Variants in TBCK observed in about 807,000 individuals in gnomAD.
The protein encoded by TBCK is TBC domain-containing protein kinase-like protein.
Under a neutral mutation model 113.4 loss-of-function variants are expected in TBCK, and 99 were observed. The ratio of observed to expected loss-of-function variants is 0.87; its 90% confidence interval spans 0.74 to 1.03. The LOEUF is 1.03. Ranked by LOEUF, TBCK falls within the 50% of genes least tolerant of loss-of-function variation. The pLI is 0.00. For missense variants in TBCK, 1,045 were observed against 1,061.3 expected (o/e 0.98, Z 0.21); for synonymous variants, 369 against 370.8 (o/e 1.00, Z 0.05).
intron 23 of TBCK, among the ~76,000 whole-genome samples, chr4:106,135,002 T>C (rs539792894): frequency 4.6e-5 from 7 of 152,278 alleles, no homozygotes; most frequent in Admixed American, 3.3e-4. Context: ...GTTATTAAAA[T>C]TGGATCCCAA....
At chr4:106,300,955 T>A (rs925543642) in intron 2 of TBCK, among the ~76,000 whole-genome samples, 7 of 151,826 alleles carry the variant, frequency 4.6e-5, no homozygotes, top group African/African-American at 1.7e-4. Flanking sequence ...AATAAATAAA[T>A]AATAAATAAA....
chr4:106,312,645 G>A (rs145460265), intron 1 of TBCK, among the ~76,000 whole-genome samples: 3 of 152,152 alleles, frequency 2.0e-5, no homozygotes, highest in African/African-American at 4.8e-5. Context: ...AACACTGTAT[G>A]AGTATGTTCA....
At position 106,247,250 on chromosome 4, in the gene TBCK, T is replaced by C. The variant is rs760474795; in HGVS notation, c.820A>G (p.Ser274Gly). ...PDQLMKDKVFSEVSPLYTPFT... is the reference protein window; with the variant it reads ...PDQLMKDKVFGEVSPLYTPFT... ...GGGGTATATAAAGGTGATACCTCAC[T>C]GAATACTTTGTCCTTCATTAATTGA... Residue 274 changes from serine to glycine, a missense_variant, in exon 10 of 26, where the codon AGT becomes GGT. Ser to Gly is a moderately conservative substitution (Grantham distance 56). Transcript: ENST00000394708. 1 of 1,612,526 alleles carries C rather than the reference T, an allele frequency of 6.2e-7. No homozygotes were observed. The highest frequency in any genetic ancestry group is 8.5e-7 in the Non-Finnish European group (1 of 1,178,844).
chr4:106,168,416 C>T (rs1380326307), intron 23 of TBCK, among the ~76,000 whole-genome samples: 2 of 151,912 alleles, frequency 1.3e-5, no homozygotes, highest in African/African-American at 2.4e-5. Context: ...TAGAAGCCTT[C>T]CTGCTAAGAT....
intron 23 of TBCK, among the ~76,000 whole-genome samples, chr4:106,122,948 T>G (rs994817514): frequency 6.6e-6 from 1 of 152,182 alleles, no homozygotes. Context: ...TGGAAGCATT[T>G]CCTTTGAAAA....
At chr4:106,195,803 T>G (rs1196592436) in intron 20 of TBCK, among the ~76,000 whole-genome samples, 1 of 152,018 alleles carries the variant, frequency 6.6e-6, no homozygotes, top group African/African-American at 2.4e-5. Context: ...CTGGCTTTCC[T>G]GGGTATCCAG....
intron 3 of TBCK, among the ~76,000 whole-genome samples, chr4:106,280,768 T>C (rs1385963809): frequency 3.9e-5 from 6 of 152,132 alleles, no homozygotes; most frequent in African/African-American, 1.4e-4. Flanking sequence ...CTGGTTTCTA[T>C]ATTGTGTTCC....
intron 10 of TBCK, 57 bp downstream of exon 10, chr4:106,247,082 G>C: frequency 1.3e-6 from 2 of 1,542,918 alleles, no homozygotes; most frequent in East Asian, 2.3e-5. Context: ...AGTAGGACAA[G>C]GAAACTTCTT....
At chr4:106,304,238 A>G (rs1314915375) in intron 2 of TBCK, among the ~76,000 whole-genome samples, 2 of 152,148 alleles carry the variant, frequency 1.3e-5, no homozygotes, top group African/African-American at 2.4e-5. Context: ...GAACCTCTTC[A>G]TTCTTCAGTG....
chr4:106,225,755 CT>C (rs1224282547), intron 19 of TBCK, among the ~76,000 whole-genome samples: 3 of 152,150 alleles, frequency 2.0e-5, no homozygotes, highest in African/African-American at 7.2e-5. Context: ...CTGCGCCCAG[CT>C]TTTTTGGCCT....
chr4:106,156,861 G>A (rs1349637794), intron 23 of TBCK, among the ~76,000 whole-genome samples: 1 of 152,110 alleles, frequency 6.6e-6, no homozygotes, highest in Non-Finnish European at 1.5e-5. Flanking sequence ...CTACTTCCCT[G>A]TGGCTGAGTT....
At chr4:106,271,693 A>G (rs1225092681) in intron 3 of TBCK, among the ~76,000 whole-genome samples, 1 of 150,278 alleles carries the variant, frequency 6.7e-6, no homozygotes, top group African/African-American at 2.4e-5. Flanking sequence ...CAGAGGTTGC[A>G]GTGAGCTGAG....
chr4:106,211,287 T>C (rs1344649834), intron 20 of TBCK, among the ~76,000 whole-genome samples: 1 of 152,150 alleles, frequency 6.6e-6, no homozygotes, highest in Non-Finnish European at 1.5e-5. Context: ...AGCCATAAGA[T>C]TGGATCTATA....
chr4:106,271,516 C>T (rs1317907171), intron 3 of TBCK, among the ~76,000 whole-genome samples: 2 of 151,900 alleles, frequency 1.3e-5, no homozygotes, highest in African/African-American at 2.4e-5. Flanking sequence ...CTTTGGGAGG[C>T]CAAGGCAGGA....
chr4:106,080,330 T>C (rs956831772), intron 25 of TBCK, among the ~76,000 whole-genome samples: 4 of 151,966 alleles, frequency 2.6e-5, no homozygotes, highest in Admixed American at 2.0e-4. Flanking sequence ...GAAACAGACA[T>C]AGACTCATGG....
intron 23 of TBCK, among the ~76,000 whole-genome samples, chr4:106,159,843 A>C (rs1352624910): frequency 1.3e-5 from 2 of 152,102 alleles, no homozygotes; most frequent in Non-Finnish European, 2.9e-5. Context: ...AAGAAAGAAC[A>C]AAGCCAGAAG....
chr4:106,084,933 A>C (rs566198388), intron 25 of TBCK, among the ~76,000 whole-genome samples: 227 of 152,340 alleles, frequency 1.5e-3, no homozygotes, highest in Middle Eastern at 3.4e-3. Context: ...CTCCTGAAAG[A>C]AGCACTAAAA....
At chr4:106,077,901 A>G (rs1258936296) in intron 25 of TBCK, among the ~76,000 whole-genome samples, 1 of 152,180 alleles carries the variant, frequency 6.6e-6, no homozygotes, top group Non-Finnish European at 1.5e-5. Flanking sequence ...GACATGCTAA[A>G]CCATAAAGAA....
rs139307472 is a variant in TBCK at position 106,206,609 on chromosome 4, A to G, written c.1860+6141T>C. On this transcript the variant is annotated intron_variant, in intron 20 of 25. Coordinates refer to ENST00000394708, the MANE Select transcript of TBCK (RefSeq NM_001163435.3). ...TATTCTAAATAAGGTGGATATTCCT[A>G]GTTTTTCCTGTAATTACATCTTGAT... is the stretch of plus-strand genomic sequence containing the variant. Among the ~76,000 whole-genome samples the G allele has an allele frequency of 2.2e-3, 328 of 152,284 alleles. 1 individual carries two copies. The highest frequency in any genetic ancestry group is 7.5e-3 in the African/African-American group (312 of 41,558).
Sources: gnomAD v4.1 joint callset for allele counts (sites outside exome capture counted in the v4.1 genomes callset) on GRCh38, gnomAD v4.1.1 for gene constraint, MANE v1.5 for transcripts, NCBI Gene and HGNC (gene_info 2026-07-23, HGNC 2026-07-21) for gene names.